The following FHIT variants were observed in gnomAD, a reference collection of about 807,000 sequenced individuals.
The protein encoded by FHIT is fragile histidine triad diadenosine triphosphatase.
Under a neutral mutation model 17.9 loss-of-function variants are expected in FHIT, and 19 were observed. The ratio of observed to expected loss-of-function variants is 1.06; its 90% CI spans 0.74 to 1.56. The LOEUF (loss-of-function observed/expected upper bound fraction) is 1.56, where lower values mean the gene tolerates loss of function less well. Ranked by LOEUF, FHIT falls within the 40% of genes most tolerant of loss-of-function variation. The pLI is 0.00. For missense variants in FHIT, 248 were observed against 189.2 expected (o/e 1.31, Z -1.82); for synonymous variants, 81 against 69.7 (o/e 1.16, Z -0.81).
intron 7 of FHIT, among the ~76,000 whole-genome samples, chr3:59,927,505 C>T (rs1488489166): frequency 6.7e-6 from 1 of 149,780 alleles, no homozygotes; most frequent in Non-Finnish European, 1.5e-5. Flanking sequence ...CTGTGGTTCA[C>T]GCCTGTAATC....
intron 4 of FHIT, among the ~76,000 whole-genome samples, chr3:60,751,872 C>T (rs1346650399): frequency 6.6e-6 from 1 of 151,892 alleles, no homozygotes; most frequent in Non-Finnish European, 1.5e-5. Flanking sequence ...AATCTAAATG[C>T]CCATCAAAAG....
At chr3:60,235,234 G>GTTTTTTTTTTTTTTT (rs11441829) in intron 5 of FHIT, among the ~76,000 whole-genome samples, 2 of 143,086 alleles carry the variant, frequency 1.4e-5, no homozygotes, top group Non-Finnish European at 3.0e-5. Flanking sequence ...TTTGTTTGTT[G>GTTTTTTTTTTTTTTT]TTTTTTTTTT....
At chr3:60,407,671 G>C (rs2687155) in intron 5 of FHIT, among the ~76,000 whole-genome samples, 1 of 152,062 alleles carries the variant, frequency 6.6e-6, no homozygotes, top group Non-Finnish European at 1.5e-5. Context: ...TGTGCCACCA[G>C]GCCTGGCTAA....
intron 5 of FHIT, among the ~76,000 whole-genome samples, chr3:60,051,748 C>T (rs1025806315): frequency 6.6e-6 from 1 of 152,066 alleles, no homozygotes; most frequent in Non-Finnish European, 1.5e-5. Context: ...GCCAAGTCCC[C>T]AAGGCTGTAA....
intron 3 of FHIT, among the ~76,000 whole-genome samples, chr3:61,021,171 A>G (rs916547902): frequency 1.3e-5 from 2 of 152,228 alleles, no homozygotes; most frequent in Non-Finnish European, 2.9e-5. Flanking sequence ...GCTCTGGACC[A>G]AGCAGACCTA....
intron 7 of FHIT, among the ~76,000 whole-genome samples, chr3:59,985,715 T>C (rs1040784366): frequency 2.0e-5 from 3 of 152,148 alleles, no homozygotes; most frequent in African/African-American, 7.2e-5. Flanking sequence ...CTGTCTGTCT[T>C]AAAGCAGGGT....
At chr3:60,907,127 GCAAAA>G (rs1321015260) in intron 3 of FHIT, among the ~76,000 whole-genome samples, 2 of 151,828 alleles carry the variant, frequency 1.3e-5, no homozygotes, top group African/African-American at 4.8e-5. Context: ...TAATTTCAAG[GCAAAA>G]CAAAACACAA....
At chr3:59,992,987 G>A (rs1349013139) in intron 7 of FHIT, among the ~76,000 whole-genome samples, 2 of 152,038 alleles carry the variant, frequency 1.3e-5, no homozygotes, top group African/African-American at 2.4e-5. Flanking sequence ...AGTCCAGGTC[G>A]TTAATGAAAT....
chr3:61,130,530 G>A (rs978897514), intron 2 of FHIT, among the ~76,000 whole-genome samples: 4 of 152,114 alleles, frequency 2.6e-5, no homozygotes, highest in African/African-American at 9.7e-5. Flanking sequence ...TTGGGGAAAT[G>A]GAAAACTATA....
chr3:60,099,822 A>G (rs1704117316), intron 5 of FHIT, among the ~76,000 whole-genome samples: 1 of 152,226 alleles, frequency 6.6e-6, no homozygotes, highest in African/African-American at 2.4e-5. Flanking sequence ...TAGAGCATGT[A>G]TACTGGGTAA....
At chr3:60,122,518 T>C (rs1029525253) in intron 5 of FHIT, among the ~76,000 whole-genome samples, 5 of 152,030 alleles carry the variant, frequency 3.3e-5, no homozygotes, top group Admixed American at 6.6e-5. Flanking sequence ...AGGAGTTAGG[T>C]AAACAGTGTC....
intron 5 of FHIT, among the ~76,000 whole-genome samples, chr3:60,178,517 C>T (rs1335594684): frequency 6.6e-6 from 1 of 151,974 alleles, no homozygotes; most frequent in Non-Finnish European, 1.5e-5. Flanking sequence ...ACCCTGGAGG[C>T]AGAGGTTGCA....
At chr3:61,245,334 C>G (rs752328635) in intron 1 of FHIT, among the ~76,000 whole-genome samples, 1 of 152,196 alleles carries the variant, frequency 6.6e-6, no homozygotes, top group Non-Finnish European at 1.5e-5. Flanking sequence ...GATTTGGACA[C>G]TTTCCCCAGA....
At chr3:60,431,306 A>C (rs10490773) in intron 5 of FHIT, among the ~76,000 whole-genome samples, 15,203 of 152,050 alleles carry the variant, frequency 0.1, 1,249 homozygotes, top group East Asian at 0.38. Context: ...TGTTGGCCTA[A>C]TGATTTAGTA....
intron 2 of FHIT, among the ~76,000 whole-genome samples, chr3:61,135,778 A>G (rs1423838056): frequency 6.6e-6 from 1 of 152,192 alleles, no homozygotes; most frequent in African/African-American, 2.4e-5. Flanking sequence ...CAATTGATCA[A>G]TGTGTTTTCA....
chr3:60,299,887 G>A (rs150399791), intron 5 of FHIT, among the ~76,000 whole-genome samples: 5 of 152,188 alleles, frequency 3.3e-5, no homozygotes, highest in African/African-American at 1.2e-4. Flanking sequence ...GTGTTTAGCT[G>A]GAGTAGTACA....
chr3:60,205,561 G>A (rs1445726817), intron 5 of FHIT, among the ~76,000 whole-genome samples: 10 of 152,174 alleles, frequency 6.6e-5, no homozygotes, highest in Admixed American at 6.5e-4. Flanking sequence ...GAGTTCAAAA[G>A]GAAGTTGTTG....
At chr3:61,216,668 C>A (rs1439870924) in intron 1 of FHIT, among the ~76,000 whole-genome samples, 2 of 152,184 alleles carry the variant, frequency 1.3e-5, no homozygotes, top group African/African-American at 4.8e-5. Flanking sequence ...GACTATAAAT[C>A]ATGCTGCTAT....
At chr3:60,615,698 A>C (rs1377065994) in intron 4 of FHIT, among the ~76,000 whole-genome samples, 1 of 152,238 alleles carries the variant, frequency 6.6e-6, no homozygotes, top group Non-Finnish European at 1.5e-5. Context: ...TCAGACATAA[A>C]AGAAACAATC....
Sources: allele counts gnomAD v4.1 joint callset (sites outside exome capture counted in the v4.1 genomes callset), GRCh38; gene constraint gnomAD v4.1.1; transcripts MANE v1.5; gene names NCBI Gene and HGNC (gene_info 2026-07-23, HGNC 2026-07-21).